The following PIK3CG variants were observed in gnomAD, a reference collection of about 807,000 sequenced individuals.
PIK3CG encodes the protein phosphatidylinositol-4,5-bisphosphate 3-kinase catalytic subunit gamma, also known as phosphatidylinositol 4,5-bisphosphate 3-kinase catalytic subunit gamma isoform.
Under a neutral mutation model 102.3 loss-of-function variants are expected in PIK3CG, and 55 were observed. The ratio of observed to expected loss-of-function variants is 0.54; its 90% CI spans 0.43 to 0.67. PIK3CG has a LOEUF of 0.67. Ranked by LOEUF, PIK3CG falls within the 30% of genes least tolerant of loss-of-function variation. The probability of loss-of-function intolerance (pLI) is 0.00; values close to 1 mark genes in which losing one functional copy is unlikely to be tolerated. For synonymous variants in PIK3CG, 552 were observed against 540.0 expected (o/e 1.02, Z -0.31); for missense variants, 1,258 against 1,391.8 (o/e 0.90, Z 1.53).
At chr7:106,875,930 C>T (rs1426601549) in intron 5 of PIK3CG, among the ~76,000 whole-genome samples, 5 of 112,994 alleles carry the variant, frequency 4.4e-5, no homozygotes, top group African/African-American at 1.0e-4. Context: ...TTTTTTGAGA[C>T]GGAGTCTCGC....
At position 106,874,383 on chromosome 7, in the gene PIK3CG, T is replaced by C. The variant is rs781209262; in HGVS notation, c.2288-317T>C. Reference sequence around the variant, plus strand: ...GCTGGAAAGAAAACTACAGTATTAATTCCTTAGCATCACCCTCAGAGCATA... The same window carrying C: ...GCTGGAAAGAAAACTACAGTATTAACTCCTTAGCATCACCCTCAGAGCATA... On this transcript the variant is annotated intron_variant, in intron 4 of 10. Transcript: ENST00000496166. This position sits in a 1 kb window ranked among gnomAD's most constrained non-coding sequence, Gnocchi z 4.3. 5.9e-5 allele frequency among the ~76,000 whole-genome samples: 9 copies of C among 152,238 alleles called. No homozygotes were observed. Among genetic ancestry groups the C allele is most frequent in the Non-Finnish European group, 1.3e-4 (9 of 68,048 alleles).
Position 106,879,586 on chromosome 7 carries a change from C to G in PIK3CG, c.2459C>G (p.Pro820Arg), listed in dbSNP as rs1423364814. Residue 820 changes from proline (P) to arginine (R), a missense_variant, in exon 6 of 11, where the codon CCT becomes CGT. By Grantham distance (103) the Pro-to-Arg change is moderately radical. This residue lies in a region of PIK3CG where 426 missense variants were observed against 604.2 expected (regional missense o/e 0.71). Coordinates refer to ENST00000496166, the MANE Select transcript of PIK3CG (RefSeq NM_001282426.2). This position sits in a 1 kb window ranked among gnomAD's most constrained non-coding sequence, Gnocchi z 4.9. The part of the protein sequence containing the change: ...PLWLEFKCAD[P>R]TALSNETIGI... ...TGGCTTGAGTTTAAATGTGCCGATC[C>G]TACAGCCCTATCAAATGAAACAATT... The G allele has an allele frequency of 1.2e-6, 2 of 1,612,476 alleles. No homozygotes were observed. Among genetic ancestry groups the G allele is most frequent in the Non-Finnish European group, 1.7e-6 (2 of 1,178,518 alleles).
Position 106,868,191 on chromosome 7 carries a change from C to A in PIK3CG, c.630C>A (p.Tyr210Ter), listed in dbSNP as rs2116433064. Residue 210 changes from tyrosine (Y) to a stop codon, truncating the protein, a stop_gained, in exon 2 of 11, where the codon TAC (tyrosine) becomes TAA (stop). Transcript: ENST00000496166. LOFTEE classifies it high-confidence loss of function. This position sits in a 1 kb window ranked among gnomAD's most constrained non-coding sequence, Gnocchi z 6.2. ...TGACGTCCAAGCCCCTCCCGGAGTA[C>A]CTGTGGAAGAAGATTGCCAACAACT... ...PWVTSKPLPE[Y>*]LWKKIANNCI... 1.9e-6 allele frequency: 3 copies of A among 1,612,394 alleles called. No homozygotes were observed. The highest frequency in any genetic ancestry group is 2.5e-6 in the Non-Finnish European group (3 of 1,180,036).
At chr7:106,901,923 T>TC (rs1428202655) in intron 10 of PIK3CG, among the ~76,000 whole-genome samples, 4 of 152,076 alleles carry the variant, frequency 2.6e-5, no homozygotes, top group Admixed American at 2.6e-4. Flanking sequence ...GTTGTGTGGC[T>TC]CCCCCATGTT....
intron 10 of PIK3CG, among the ~76,000 whole-genome samples, chr7:106,901,486 T>G (rs1791552725): frequency 6.6e-6 from 1 of 152,214 alleles, no homozygotes; most frequent in Admixed American, 6.5e-5. Context: ...TTATTTTCCT[T>G]GGATTGGGTT....
rs1338018689 is a variant in PIK3CG, at chr7:106,905,449, T to C, written c.*62T>C. 6.8e-7 allele frequency: 1 copy of C among 1,473,648 alleles called. No homozygotes were observed. The highest frequency in any genetic ancestry group is 9.2e-7 in the Non-Finnish European group (1 of 1,081,550). The allele number at this position is 1,473,648 out of a possible 1,614,324, so 91.3% of individuals were successfully genotyped here. On this transcript the variant is annotated 3_prime_UTR_variant, in exon 11 of 11. Transcript: ENST00000496166. The surrounding 1 kb of genome is among the most constrained non-coding windows in gnomAD (Gnocchi z 5.6). ...ATGGTTTAAATTAGCATAGCAATCATCGAACTTGGATTTCAAATGCAATAG... is the reference window on the plus strand; with the variant it reads ...ATGGTTTAAATTAGCATAGCAATCACCGAACTTGGATTTCAAATGCAATAG...
rs2116453878 is a variant in PIK3CG, at chr7:106,868,944, C to T, written c.1383C>T (p.Leu461=). ...AGTCCAAGGGCAAAGTTCAGCTTCT[C>T]TATTATGTGAACCTGCTGCTGATAG... ...SSESKGKVQL[L]YYVNLLLIDH... The change falls in exon 2 of 11, where the codon CTC becomes CTT. Residue 461 remains leucine (L), a synonymous_variant. Transcript: ENST00000496166. The surrounding 1 kb of genome is among the most constrained non-coding windows in gnomAD (Gnocchi z 6.2). The T allele has an allele frequency of 6.2e-7, 1 of 1,614,202 alleles. No homozygotes were observed. Among genetic ancestry groups the T allele is most frequent in the Non-Finnish European group, 8.5e-7 (1 of 1,180,038 alleles).
chr7:106,888,984 A>G (rs1013063770), intron 10 of PIK3CG, among the ~76,000 whole-genome samples: 8 of 152,258 alleles, frequency 5.3e-5, no homozygotes, highest in Admixed American at 1.3e-4. Flanking sequence ...CAGTGCCTAG[A>G]TCATAGCAGA....
rs1271934388 is a variant in PIK3CG, at chr7:106,897,334, T to A, written c.3031-7775T>A. Among the ~76,000 whole-genome samples the A allele has an allele frequency of 6.6e-6, 1 of 152,224 alleles. No individual in the cohort carries two copies. Among genetic ancestry groups the A allele is most frequent in the Non-Finnish European group, 1.5e-5 (1 of 68,034 alleles). On this transcript the variant is annotated intron_variant, in intron 10 of 10. Transcript: ENST00000496166. The surrounding 1 kb of genome is among the most constrained non-coding windows in gnomAD (Gnocchi z 4.6). ...TGCTGGGTAAAAGGATATAGATGTT[T>A]TTAAAGCCAGGTTTATTGAGGTATG... is the stretch of plus-strand genomic sequence containing the variant.
intron 2 of PIK3CG, among the ~76,000 whole-genome samples, chr7:106,870,888 T>A (rs1297361357): frequency 6.6e-6 from 1 of 152,176 alleles, no homozygotes; most frequent in Non-Finnish European, 1.5e-5. Context: ...TGTATAACAC[T>A]AAAGAATTTT....
chr7:106,895,095 C>A lies in PIK3CG; in HGVS notation c.3030+8803C>A, dbSNP rs867292215. On this transcript the variant is annotated intron_variant, in intron 10 of 10. Transcript: ENST00000496166. This position sits in a 1 kb window ranked among gnomAD's most constrained non-coding sequence, Gnocchi z 5.4. ...TAGCTACTAATGGAGAATGTTCTAG[C>A]TAATGGCATTAATAATAATGTAATG... is the stretch of plus-strand genomic sequence containing the variant. Among the ~76,000 whole-genome samples, 1 of 152,188 alleles carries A rather than the reference C, an allele frequency of 6.6e-6. No homozygotes were observed. Among genetic ancestry groups the A allele is most frequent in the Non-Finnish European group, 1.5e-5 (1 of 68,030 alleles).
In PIK3CG at chr7:106,872,511, C is replaced by T; in HGVS notation, c.1996-26C>T. The T allele has an allele frequency of 6.3e-7, 1 of 1,592,358 alleles. No individual in the cohort carries two copies. On this transcript the variant is annotated intron_variant, in intron 2 of 10. Coordinates refer to ENST00000496166, the MANE Select transcript of PIK3CG (RefSeq NM_001282426.2). This position sits in a 1 kb window ranked among gnomAD's most constrained non-coding sequence, Gnocchi z 5.3. ...TTCAACGACATAGAGTACAGTCCTA[C>T]AAATGCCAATGTGTTCTTCCTTTAG...
intron 10 of PIK3CG, among the ~76,000 whole-genome samples, chr7:106,896,646 G>A (rs907470474): frequency 2.0e-5 from 3 of 152,158 alleles, no homozygotes; most frequent in African/African-American, 7.2e-5. Flanking sequence ...GACAAGTGAT[G>A]GCTGGGCAGC....
chr7:106,866,619 TTTAA>T (rs1208793684), intron 1 of PIK3CG, among the ~76,000 whole-genome samples: 6 of 152,178 alleles, frequency 3.9e-5, no homozygotes, highest in African/African-American at 1.4e-4. Flanking sequence ...TCAAATGAAT[TTTAA>T]TTAATTAATT....
chr7:106,904,007 C>T (rs879273058), intron 10 of PIK3CG, among the ~76,000 whole-genome samples: 38 of 152,034 alleles, frequency 2.5e-4, no homozygotes, highest in Non-Finnish European at 4.9e-4. Context: ...GTGATCCACC[C>T]ACCTTGGCCT....
rs554272230 is a variant in PIK3CG at position 106,868,228 on chromosome 7, G to A, written c.667G>A (p.Val223Ile). 4.4e-5 allele frequency: 71 copies of A among 1,612,662 alleles called. 1 individual carries two copies. In the South Asian group the frequency reaches 6.4e-4, roughly 14 times the overall value. ...GATTGCCAACAACTGCATCTTCATC[G>A]TCATTCACCGCAGCACCACCAGCCA... Reference protein sequence around the residue: ...KKIANNCIFIVIHRSTTSQTI... With the variant: ...KKIANNCIFIIIHRSTTSQTI... The change falls in exon 2 of 11, where the codon GTC (valine) becomes ATC (isoleucine). Residue 223 changes from valine (V) to isoleucine (I), a missense_variant. This residue lies in a region of PIK3CG where 832 missense variants were observed against 787.5 expected (regional missense o/e 1.06). Coordinates refer to ENST00000496166, the MANE Select transcript of PIK3CG (RefSeq NM_001282426.2). The surrounding 1 kb of genome is among the most constrained non-coding windows in gnomAD (Gnocchi z 6.2).
chr7:106,894,834 G>T lies in PIK3CG; in HGVS notation c.3030+8542G>T, dbSNP rs2116590686. Among the ~76,000 whole-genome samples the T allele has an allele frequency of 6.6e-6, 1 of 152,324 alleles. No individual in the cohort carries two copies. The highest frequency in any genetic ancestry group is 6.5e-5 in the Admixed American group (1 of 15,298). On this transcript the variant is annotated intron_variant, in intron 10 of 10. Coordinates refer to ENST00000496166, the MANE Select transcript of PIK3CG (RefSeq NM_001282426.2). This position sits in a 1 kb window ranked among gnomAD's most constrained non-coding sequence, Gnocchi z 4.4. ...CTCATCAGTGGTTAATAAATTAGTA[G>T]ATTGTATATAAAAGTAGTTTGTTTT... is the stretch of plus-strand genomic sequence containing the variant.
rs543093924 is a variant in PIK3CG at position 106,880,728 on chromosome 7, G to A, written c.2538+1063G>A. Among the ~76,000 whole-genome samples, 48 of 151,828 alleles carry A rather than the reference G, an allele frequency of 3.2e-4. No homozygotes were observed. The highest frequency in any genetic ancestry group is 6.2e-4 in the Non-Finnish European group (42 of 67,988). On this transcript the variant is annotated intron_variant, in intron 6 of 10. Transcript: ENST00000496166. This position sits in a 1 kb window ranked among gnomAD's most constrained non-coding sequence, Gnocchi z 4.2. Reference sequence around the variant, plus strand: ...AGGCCTTGCTTTATCGCCCAGGTTGGAATACAGTGGCACGATCACAGCCCA... The same window carrying A: ...AGGCCTTGCTTTATCGCCCAGGTTGAAATACAGTGGCACGATCACAGCCCA...
At chr7:106,888,133 G>A (rs1328555518) in intron 10 of PIK3CG, among the ~76,000 whole-genome samples, 2 of 151,826 alleles carry the variant, frequency 1.3e-5, no homozygotes, top group Non-Finnish European at 2.9e-5. Flanking sequence ...TAGAGACAGG[G>A]TTTCACCATG....
Sources: gnomAD v4.1 joint callset for allele counts (sites outside exome capture counted in the v4.1 genomes callset) on GRCh38, gnomAD v4.1.1 for gene constraint, gnomAD v4.1.1 regional missense constraint, Gnocchi (gnomAD v3.1) non-coding constraint, MANE v1.5 for transcripts, NCBI Gene and HGNC (gene_info 2026-07-23, HGNC 2026-07-21) for gene names.